GMDS: variants seen among roughly 807,000 people sequenced by gnomAD.
The protein encoded by GMDS is GDP-mannose 4,6 dehydratase.
GMDS carries 20 observed loss-of-function variants against 49.9 expected under a neutral mutation model. The ratio of observed to expected loss-of-function variants is 0.40; its 90% CI spans 0.28 to 0.58. The LOEUF is 0.58. Ranked by LOEUF, GMDS falls within the 20% of genes least tolerant of loss-of-function variation. The pLI is 0.42. For missense variants in GMDS, 362 were observed against 481.4 expected, an observed-to-expected ratio of 0.75 and a Z score of 2.32; for synonymous variants, 177 against 178.6, an observed-to-expected ratio of 0.99 and a Z score of 0.07.
chr6:2,237,204 T>C (rs1221795953), intron 1 of GMDS, among the ~76,000 whole-genome samples: 5 of 152,170 alleles, frequency 3.3e-5, no homozygotes, highest in Non-Finnish European at 5.9e-5. Flanking sequence ...TTTCAATGAG[T>C]AAATTTATAT....
chr6:1,723,246 T>G (rs1766448591), intron 9 of GMDS, among the ~76,000 whole-genome samples: 1 of 152,112 alleles, frequency 6.6e-6, no homozygotes, highest in South Asian at 2.1e-4. Flanking sequence ...TAAAGCTCTA[T>G]TTCCCTTTAG....
intron 7 of GMDS, among the ~76,000 whole-genome samples, chr6:1,800,468 G>T (rs1410976051): frequency 6.6e-6 from 1 of 152,096 alleles, no homozygotes; most frequent in East Asian, 1.9e-4. Context: ...ATGGAGTCTA[G>T]CTCTGTCACC....
intron 9 of GMDS, among the ~76,000 whole-genome samples, chr6:1,706,542 C>T (rs1765741690): frequency 6.6e-6 from 1 of 152,218 alleles, no homozygotes; most frequent in South Asian, 2.1e-4. Flanking sequence ...TGTAAAGTCA[C>T]ACATGTTCGC....
At chr6:2,158,899 GT>G (rs1417855618) in intron 1 of GMDS, among the ~76,000 whole-genome samples, 11 of 152,170 alleles carry the variant, frequency 7.2e-5, no homozygotes, top group African/African-American at 2.7e-4. Flanking sequence ...GTTCTTAGCT[GT>G]TTTTGACAAG....
chr6:1,839,203 C>A lies in GMDS; in HGVS notation c.771+90900G>T, dbSNP rs181310500. ...TTTGTTTTAGTGATTTGCTCCGCAA[C>A]AGCCAGAGGGCATTTATTTTTAAAC... On this transcript the variant is annotated intron_variant, in intron 7 of 10. Coordinates refer to ENST00000380815, the MANE Select transcript of GMDS (RefSeq NM_001500.4). Among the ~76,000 whole-genome samples the A allele has an allele frequency of 2.0e-3, 303 of 152,160 alleles. 2 individuals are homozygous for A. Among genetic ancestry groups the A allele is most frequent in the African/African-American group, 6.8e-3 (283 of 41,520 alleles).
chr6:1,972,436 T>C (rs961818130), intron 4 of GMDS, among the ~76,000 whole-genome samples: 5 of 152,092 alleles, frequency 3.3e-5, no homozygotes, highest in African/African-American at 1.2e-4. Flanking sequence ...GAAGTAACTA[T>C]CCGGGTCTTT....
At chr6:2,245,197 A>C in intron 1 of GMDS, 124 bp downstream of exon 1, 1 of 687,120 alleles carries the variant, frequency 1.5e-6, no homozygotes, top group Non-Finnish European at 2.5e-6. Context: ...TCCCGGCAGC[A>C]GACCCCTTCC....
chr6:1,821,621 T>TG (rs1211135303), intron 7 of GMDS, among the ~76,000 whole-genome samples: 2 of 40,562 alleles, frequency 4.9e-5, no homozygotes, highest in African/African-American at 8.0e-5. Context: ...GTTTTTTTTT[T>TG]TTTTTTTTTT....
At chr6:1,859,942 C>G (rs1021243880) in intron 7 of GMDS, among the ~76,000 whole-genome samples, 1 of 152,124 alleles carries the variant, frequency 6.6e-6, no homozygotes, top group Non-Finnish European at 1.5e-5. Context: ...ATTAGAAAAT[C>G]TTACTTTAAT....
At chr6:1,937,481 A>C (rs1438427930) in intron 6 of GMDS, among the ~76,000 whole-genome samples, 1 of 152,196 alleles carries the variant, frequency 6.6e-6, no homozygotes, top group Non-Finnish European at 1.5e-5. Context: ...AACAACCAAA[A>C]TTTCCTGTCT....
intron 4 of GMDS, among the ~76,000 whole-genome samples, chr6:2,082,576 T>A (rs1288405499): frequency 6.6e-6 from 1 of 152,210 alleles, no homozygotes; most frequent in Non-Finnish European, 1.5e-5. Flanking sequence ...AATTAAATCC[T>A]AAATCTCACT....
intron 9 of GMDS, among the ~76,000 whole-genome samples, chr6:1,674,556 CTCTCTTTTTTTTTTTTTT>C (rs1363885502): frequency 1.2e-5 from 1 of 85,280 alleles, no homozygotes; most frequent in Admixed American, 1.5e-4. Flanking sequence ...CTCTCTCTCT[CTCTCTTTTTTTTTTTTTT>C]TTTTTTTTTT....
At chr6:2,115,742 G>T in intron 4 of GMDS, 29 bp downstream of exon 4, 2 of 1,150,898 alleles carry the variant, frequency 1.7e-6, no homozygotes, top group Non-Finnish European at 2.6e-6. Context: ...CAGAAACACG[G>T]CCAGAGAAAT....
intron 4 of GMDS, among the ~76,000 whole-genome samples, chr6:1,962,604 TC>T (rs1375622837): frequency 6.6e-6 from 1 of 152,172 alleles, no homozygotes; most frequent in African/African-American, 2.4e-5. Context: ...TGAAGTGCTA[TC>T]TTGTTGTGGT....
rs1543538 is a variant in GMDS, at chr6:1,836,541, G to A, written c.771+93562C>T. Among the ~76,000 whole-genome samples the A allele has an allele frequency of 0.47, 72,061 of 152,176 alleles. 20,304 individuals are homozygous for A. The highest frequency in any genetic ancestry group is 0.63 in the Non-Finnish European group (42,513 of 67,984). ...TGCAAAGTGCTGGTGCATACTTTAT[G>A]ATAAAATAGCTAATGTCCTTTCATT... On this transcript the variant is annotated intron_variant, in intron 7 of 10. Coordinates refer to ENST00000380815, the MANE Select transcript of GMDS (RefSeq NM_001500.4). The surrounding 1 kb of genome is among the most constrained non-coding windows in gnomAD (Gnocchi z 4.2).
intron 4 of GMDS, among the ~76,000 whole-genome samples, chr6:1,976,088 G>C (rs1199493580): frequency 6.6e-6 from 1 of 152,130 alleles, no homozygotes; most frequent in Non-Finnish European, 1.5e-5. Context: ...GTGAACTCTA[G>C]GTCAGGAAGT....
At chr6:2,166,964 C>A (rs72830172) in intron 1 of GMDS, among the ~76,000 whole-genome samples, 14 of 152,272 alleles carry the variant, frequency 9.2e-5, no homozygotes, top group Non-Finnish European at 1.8e-4. Flanking sequence ...CAGGGAAGAC[C>A]GTTGCCTCTA....
At chr6:1,963,764 C>T (rs1161237592) in intron 4 of GMDS, among the ~76,000 whole-genome samples, 1 of 152,164 alleles carries the variant, frequency 6.6e-6, no homozygotes, top group Non-Finnish European at 1.5e-5. Flanking sequence ...TCTGGGACCA[C>T]TGGTAGTGGC....
intron 7 of GMDS, among the ~76,000 whole-genome samples, chr6:1,750,840 C>T (rs1258563061): frequency 6.6e-6 from 1 of 152,166 alleles, no homozygotes; most frequent in African/African-American, 2.4e-5. Flanking sequence ...TTCCCGCTGC[C>T]AGCACAGCAG....
Sources: gnomAD v4.1 joint callset for allele counts (sites outside exome capture counted in the v4.1 genomes callset) on GRCh38, gnomAD v4.1.1 for gene constraint, Gnocchi (gnomAD v3.1) non-coding constraint, MANE v1.5 for transcripts, NCBI Gene and HGNC (gene_info 2026-07-23, HGNC 2026-07-21) for gene names.